Variants in GALNTL5 observed in about 807,000 individuals in gnomAD.
GALNTL5 encodes inactive polypeptide N-acetylgalactosaminyltransferase-like protein 5.
In GALNTL5, 44 loss-of-function variants were observed where a neutral mutation model predicts 51.0. The observed-to-expected ratio is 0.86, with a 90% confidence interval of 0.68 to 1.11. The LOEUF (loss-of-function observed/expected upper bound fraction) is 1.11. Ranked by LOEUF, GALNTL5 falls within the 50% of genes least tolerant of loss-of-function variation. The pLI, the probability that GALNTL5 is intolerant of heterozygous loss-of-function variation, is 0.00. For missense variants in GALNTL5, 528 were observed against 531.8 expected, an observed-to-expected ratio of 0.99 and a Z score of 0.07; for synonymous variants, 192 against 182.8, an observed-to-expected ratio of 1.05 and a Z score of -0.41.
rs772676078 is a variant in GALNTL5, at chr7:151,967,488, T to C, written c.242T>C (p.Met81Thr). 6.2e-7 allele frequency: 1 copy of C among 1,611,022 alleles called. No individual in the cohort carries two copies. The highest frequency in any genetic ancestry group is 8.5e-7 in the Non-Finnish European group (1 of 1,178,218). ...KRTDEDKAKS[M>T]LGTDFNHTNP... ...ACTGATGAAGATAAAGCAAAGTCTA[T>C]GTTAGGTAAGTATTTGGATTTTTTT... The change falls in exon 2 of 9, where the codon ATG (methionine) becomes ACG (threonine). Residue 81 changes from methionine (M) to threonine (T), a missense_variant. Met to Thr is a moderately conservative substitution (Grantham distance 81). Coordinates refer to ENST00000392800, the MANE Select transcript of GALNTL5 (RefSeq NM_145292.4).
intron 3 of GALNTL5, among the ~76,000 whole-genome samples, chr7:151,971,974 A>G (rs2081150128): frequency 6.6e-6 from 1 of 152,184 alleles, no homozygotes; most frequent in African/African-American, 2.4e-5. Context: ...TCTCAGGTAG[A>G]ATCTTTATAG....
chr7:152,001,725 T>C (rs2081582660), intron 5 of GALNTL5, among the ~76,000 whole-genome samples: 1 of 152,222 alleles, frequency 6.6e-6, no homozygotes, highest in Non-Finnish European at 1.5e-5. Context: ...CCATTGCCTT[T>C]TCATATGACT....
chr7:151,987,220 A>T lies in GALNTL5; in HGVS notation c.597A>T (p.Ile199=). Residue 199 remains isoleucine (I), a synonymous_variant, in exon 5 of 9, where the codon ATA becomes ATT. Transcript: ENST00000392800. ...CTTTTCGGGGAAAGGTTAAAATAAT[A>T]AGAAACAAAAAGAGAGAGGGGCTGA... ...LETFRGKVKI[I]RNKKREGLIR... is the part of the protein sequence containing the mutation. 1 of 1,600,294 alleles carries T rather than the reference A, an allele frequency of 6.2e-7. No homozygotes were observed. The highest frequency in any genetic ancestry group is 8.5e-7 in the Non-Finnish European group (1 of 1,175,896).
At chr7:151,967,676 A>G (rs1305480607) in intron 2 of GALNTL5, among the ~76,000 whole-genome samples, 183 bp downstream of exon 2, 1 of 152,166 alleles carries the variant, frequency 6.6e-6, no homozygotes, top group African/African-American at 2.4e-5. Context: ...TGTATTTACC[A>G]CTTAAATTTA....
Position 151,983,029 on chromosome 7 carries a change from A to T in GALNTL5, c.412A>T (p.Ile138Phe). The part of the protein sequence containing the change: ...HYPARLPTAS[I>F]VICFYNEECN... ...CCCAGCCCGCCTCCCGACTGCCAGC[A>T]TTGTCATTTGCTTCTATAATGAAGA... The change falls in exon 4 of 9, where the codon ATT (isoleucine) becomes TTT (phenylalanine). Residue 138 changes from isoleucine (I) to phenylalanine (F), a missense_variant. Coordinates refer to ENST00000392800, the MANE Select transcript of GALNTL5 (RefSeq NM_145292.4). The T allele has an allele frequency of 6.2e-7, 1 of 1,614,198 alleles. No homozygotes were observed. The highest frequency in any genetic ancestry group is 8.5e-7 in the Non-Finnish European group (1 of 1,180,036).
At chr7:151,959,502 A>G (rs569199816) in intron 1 of GALNTL5, among the ~76,000 whole-genome samples, 1 of 152,188 alleles carries the variant, frequency 6.6e-6, no homozygotes, top group East Asian at 1.9e-4. Context: ...ATGAATCTCT[A>G]TTTTGCACCC....
At chr7:151,964,661 A>G (rs191457778) in intron 1 of GALNTL5, among the ~76,000 whole-genome samples, 3 of 152,262 alleles carry the variant, frequency 2.0e-5, no homozygotes, top group Non-Finnish European at 4.4e-5. Flanking sequence ...GGGTATCTTC[A>G]TCAGTGTCGT....
At chr7:152,004,260 A>G (rs936125799) in intron 6 of GALNTL5, among the ~76,000 whole-genome samples, 6 of 151,610 alleles carry the variant, frequency 4.0e-5, no homozygotes, top group Admixed American at 3.3e-4. Context: ...AAATTAAAAA[A>G]TCAAACCATA....
intron 3 of GALNTL5, among the ~76,000 whole-genome samples, chr7:151,980,796 A>G (rs1586821382): frequency 9.2e-6 from 1 of 109,044 alleles, no homozygotes; most frequent in Non-Finnish European, 1.7e-5. Flanking sequence ...CCCAGGCTGG[A>G]GTGCAGTGGC....
chr7:151,969,321 A>G lies in GALNTL5; in HGVS notation c.248-1624A>G, dbSNP rs1019349694. 7.9e-5 allele frequency among the ~76,000 whole-genome samples: 12 copies of G among 152,346 alleles called. No individual in the cohort carries two copies. The East Asian group carries it at 2.3e-3, about 29-fold the overall frequency. Reference sequence around the variant, plus strand: ...AAGTTTTAGGTTTCACATTAAGGCCATGATCTATTTCGAGTTAATTTTTGT... The same window carrying G: ...AAGTTTTAGGTTTCACATTAAGGCCGTGATCTATTTCGAGTTAATTTTTGT... On this transcript the variant is annotated intron_variant, in intron 2 of 8. Coordinates refer to ENST00000392800, the MANE Select transcript of GALNTL5 (RefSeq NM_145292.4).
intron 5 of GALNTL5, among the ~76,000 whole-genome samples, chr7:151,997,965 G>T (rs1033032822): frequency 6.6e-6 from 1 of 152,142 alleles, no homozygotes; most frequent in Non-Finnish European, 1.5e-5. Flanking sequence ...GCTTTAGGAG[G>T]CCAAGGCAAG....
chr7:151,987,280 A>G lies in GALNTL5; in HGVS notation c.657A>G (p.Ser219=), dbSNP rs760367690. The G allele has an allele frequency of 2.5e-6, 4 of 1,569,382 alleles. No homozygotes were observed. The highest frequency in any genetic ancestry group is 3.4e-6 in the Non-Finnish European group (4 of 1,165,788). ...RARLIGASHA[S]GDVLVFLDSH... ...GGCTGATTGGAGCTTCTCATGCTTCAGGTAGGAACATTCCTGGGGACAAGA... is the reference window on the plus strand; with the variant it reads ...GGCTGATTGGAGCTTCTCATGCTTCGGGTAGGAACATTCCTGGGGACAAGA... The change falls in exon 5 of 9, where the codon TCA becomes TCG. Residue 219 remains serine, a splice_region_variant and synonymous_variant. Coordinates refer to ENST00000392800, the MANE Select transcript of GALNTL5 (RefSeq NM_145292.4).
chr7:151,986,979 G>A lies in GALNTL5; in HGVS notation c.536-180G>A, dbSNP rs374730866. On this transcript the variant is annotated intron_variant, in intron 4 of 8. Transcript: ENST00000392800. The stretch of plus-strand genomic sequence containing the variant: ...TGACCTCAAGTGATCTGCCTGCCTC[G>A]GCCTCCCAAAGTGCTGGGATTACAG... Among the ~76,000 whole-genome samples, 32 of 152,030 alleles carry A rather than the reference G, an allele frequency of 2.1e-4. 1 individual carries two copies. The highest frequency in any genetic ancestry group is 1.2e-3 in the East Asian group (6 of 5,172).
At chr7:152,010,401 G>A (rs1017511013) in intron 7 of GALNTL5, among the ~76,000 whole-genome samples, 13 of 152,012 alleles carry the variant, frequency 8.6e-5, no homozygotes, top group East Asian at 3.9e-4. Flanking sequence ...ACAAGCCACC[G>A]CGTCCAGCCA....
chr7:152,008,046 C>T (rs548214235), intron 7 of GALNTL5, 102 bp downstream of exon 7: 2 of 696,736 alleles, frequency 2.9e-6, no homozygotes, highest in Non-Finnish European at 5.1e-6. Flanking sequence ...CATGAACATC[C>T]AGTACCATTC....
intron 8 of GALNTL5, among the ~76,000 whole-genome samples, chr7:152,017,051 A>G (rs950445685): frequency 6.6e-6 from 1 of 151,674 alleles, no homozygotes; most frequent in African/African-American, 2.4e-5. Context: ...AAAAAAAAAA[A>G]AGAAAAGAAA....
chr7:151,957,903 G>A (rs1280518265), intron 1 of GALNTL5: 1 of 151,982 alleles, frequency 6.6e-6, no homozygotes, highest in Non-Finnish European at 1.5e-5. Context: ...GGGGTTTTCT[G>A]TGTTTTGTGG....
intron 1 of GALNTL5, among the ~76,000 whole-genome samples, chr7:151,963,689 C>A (rs1028353400): frequency 6.6e-6 from 1 of 152,184 alleles, no homozygotes; most frequent in African/African-American, 2.4e-5. Flanking sequence ...TGAGCCACTG[C>A]GCCTGGCCAT....
At chr7:151,996,000 T>A (rs2081494586) in intron 5 of GALNTL5, among the ~76,000 whole-genome samples, 1 of 152,200 alleles carries the variant, frequency 6.6e-6, no homozygotes, top group South Asian at 2.1e-4. Context: ...ATTATGAGGA[T>A]GTAGCTTACA....
Sources: allele counts gnomAD v4.1 joint callset (sites outside exome capture counted in the v4.1 genomes callset), GRCh38; gene constraint gnomAD v4.1.1; transcripts MANE v1.5; gene names NCBI Gene and HGNC (gene_info 2026-07-23, HGNC 2026-07-21).